Variants in KIAA2013 observed in about 807,000 individuals in gnomAD.
KIAA2013 encodes KIAA2013, also known as uncharacterized protein KIAA2013.
Under a neutral mutation model 39.9 loss-of-function variants are expected in KIAA2013, and 20 were observed. The ratio of observed to expected loss-of-function variants is 0.50; its 90% CI spans 0.35 to 0.73. KIAA2013 has a LOEUF of 0.73. KIAA2013 is among the 30% of genes least tolerant of loss of function. The probability of loss-of-function intolerance (pLI) is 0.01; values close to 1 mark genes in which losing one functional copy is unlikely to be tolerated. For synonymous variants in KIAA2013, 336 were observed against 416.6 expected (o/e 0.81, Z 2.35); for missense variants, 587 against 856.1 (o/e 0.69, Z 3.92).
chr1:11,922,553 C>G (rs755465526), intron 2 of KIAA2013, 83 bp downstream of exon 2: 23 of 1,567,288 alleles, frequency 1.5e-5, no homozygotes, highest in Non-Finnish European at 1.9e-5. Flanking sequence ...CCTCACCCCC[C>G]CTCGCCAGGC....
rs748213453 is a variant in KIAA2013 at position 11,922,624 on chromosome 1, G to T, written c.1887+12C>A. 15 of 1,612,350 alleles carry T rather than the reference G, an allele frequency of 9.3e-6. No homozygotes were observed. Among genetic ancestry groups the T allele is most frequent in the Admixed American group, 1.7e-5 (1 of 59,656 alleles). On this transcript the variant is annotated intron_variant, in intron 2 of 2. Transcript: ENST00000376572. ...CAAGGCCTCGGGTTTCGACCAGATG[G>T]CGGCTTCCTACCTTACTCCTGAAGA...
rs1645488631 is a variant in KIAA2013, at chr1:11,923,621, C to T, written c.1034-132G>A. 3 of 956,766 alleles carry T rather than the reference C, an allele frequency of 3.1e-6. No homozygotes were observed. The highest frequency in any genetic ancestry group is 4.7e-6 in the Non-Finnish European group (3 of 634,506). The allele number at this position is 956,766 out of a possible 1,614,324, so 59.3% of individuals were successfully genotyped here. Reference sequence around the variant, plus strand: ...GATAAAGACAGTGGTGCCCATCTCCCTAAAGTATAGAAGAAAGTCAGCCTG... The same window carrying T: ...GATAAAGACAGTGGTGCCCATCTCCTTAAAGTATAGAAGAAAGTCAGCCTG... On this transcript the variant is annotated intron_variant, in intron 1 of 2. Coordinates refer to ENST00000376572, the MANE Select transcript of KIAA2013 (RefSeq NM_138346.3). This position sits in a 1 kb window ranked among gnomAD's most constrained non-coding sequence, Gnocchi z 4.6.
In KIAA2013 at chr1:11,924,612, T is replaced by C. The variant is rs1645494407; in HGVS notation, c.1033+593A>G. On this transcript the variant is annotated intron_variant, in intron 1 of 2. Transcript: ENST00000376572. ...CAACCAAACACAAAGGTTCAGACAA[T>C]TGGAACCCTGGAAACCAAAACCCCT... is the stretch of plus-strand genomic sequence containing the variant. Among the ~76,000 whole-genome samples the C allele has an allele frequency of 3.9e-5, 6 of 152,116 alleles. No individual in the cohort carries two copies. The South Asian group carries it at 1.2e-3, about 32-fold the overall frequency.
In KIAA2013 at chr1:11,922,983, G is replaced by A. The variant is rs754796277; in HGVS notation, c.1540C>T (p.Arg514Cys). Reference protein sequence around the residue: ...KPYLHVSVESRGQPVKIYACK... With the variant: ...KPYLHVSVESCGQPVKIYACK... ...GCATAGATCTTGACAGGCTGGCCAC[G>A]GGACTCCACGGACACGTGTAGGTAG... The change falls in exon 2 of 3, where the codon CGT becomes TGT. Residue 514 changes from arginine to cysteine, a missense_variant. Physicochemically the swap from Arg to Cys is radical, Grantham distance 180 (BLOSUM62 -3). Transcript: ENST00000376572. 13 of 1,612,422 alleles carry A rather than the reference G, an allele frequency of 8.1e-6. No individual in the cohort carries two copies. The highest frequency in any genetic ancestry group is 2.2e-5 in the East Asian group (1 of 44,842).
chr1:11,921,788 G>C (rs1425435782), intron 2 of KIAA2013, among the ~76,000 whole-genome samples: 1 of 152,006 alleles, frequency 6.6e-6, no homozygotes, highest in Non-Finnish European at 1.5e-5. Context: ...GACCTCAGGT[G>C]ATCTGCCCGC....
At chr1:11,922,418 CAGA>C in intron 2 of KIAA2013, 1 of 1,448,938 alleles carries the variant, frequency 6.9e-7, no homozygotes, top group Non-Finnish European at 9.1e-7. Flanking sequence ...CCTGGAAAGC[CAGA>C]AGACCATCAA....
Position 11,926,296 on chromosome 1 carries a change from A to G in KIAA2013, c.-59T>C, listed in dbSNP as rs1174126024. The G allele has an allele frequency of 7.8e-6, 7 of 897,998 alleles. 1 individual carries two copies. The Admixed American group carries it at 2.9e-4, about 38-fold the overall frequency. 55.6% of individuals were successfully genotyped at this position (897,998 alleles called of 1,614,324 possible). A position where few individuals can be genotyped will look rare whatever the true frequency, so the allele number is the denominator to read the frequency against. ...GGCCGCCGGGCCCGCCGCCCAGCCC[A>G]CCGGCCCGGCCGCCCGCGCCTCACT... On this transcript the variant is annotated 5_prime_UTR_variant, in exon 1 of 3. Coordinates refer to ENST00000376572, the MANE Select transcript of KIAA2013 (RefSeq NM_138346.3).
At chr1:11,921,969 T>TC (rs1488832827) in intron 2 of KIAA2013, among the ~76,000 whole-genome samples, 2 of 152,096 alleles carry the variant, frequency 1.3e-5, no homozygotes, top group Admixed American at 1.3e-4. Flanking sequence ...CACCTCAGCC[T>TC]CCTAAGTAGC....
rs1358665592 is a variant in KIAA2013 at position 11,926,187 on chromosome 1, G to C, written c.51C>G (p.Ser17Arg). The change falls in exon 1 of 3, where the codon AGC becomes AGG. Residue 17 changes from serine to arginine, a missense_variant. Coordinates refer to ENST00000376572, the MANE Select transcript of KIAA2013 (RefSeq NM_138346.3). ...GCAGGCAGAGGAGGCGGCGGGCCCA[G>C]CTGCTCGACAGCAGTCCCGGCAGCC... ...LKGLPGLLSS[S>R]WARRLLCLLG... 6.5e-6 allele frequency: 9 copies of C among 1,379,314 alleles called. No homozygotes were observed. The highest frequency in any genetic ancestry group is 8.5e-6 in the Non-Finnish European group (9 of 1,057,770). 85.4% of individuals were successfully genotyped at this position (1,379,314 alleles called of 1,614,324 possible).
intron 1 of KIAA2013, among the ~76,000 whole-genome samples, chr1:11,924,056 A>T (rs1246517241): frequency 3.3e-5 from 5 of 152,072 alleles, no homozygotes; most frequent in African/African-American, 9.7e-5. Context: ...CCCTGGCAGA[A>T]GCATTCAATA....
intron 2 of KIAA2013, among the ~76,000 whole-genome samples, chr1:11,921,082 C>CAG (rs1553130167): frequency 0.11 from 17,090 of 151,840 alleles, 1,013 homozygotes; most frequent in African/African-American, 0.14. Context: ...GGGGAGGAGA[C>CAG]GGGATACAGG....
At position 11,926,219 on chromosome 1, in the gene KIAA2013, G is replaced by C; in HGVS notation, c.19C>G (p.Leu7Val). 1 of 1,291,538 alleles carries C rather than the reference G, an allele frequency of 7.7e-7. No individual in the cohort carries two copies. The highest frequency in any genetic ancestry group is 1.7e-5 in the South Asian group (1 of 60,256). 80.0% of individuals were successfully genotyped at this position (1,291,538 alleles called of 1,614,324 possible). The change falls in exon 1 of 3, where the codon CTC (leucine) becomes GTC (valine). Residue 7 changes from leucine (L) to valine (V), a missense_variant. Physicochemically the swap from Leu to Val is conservative, Grantham distance 32. Coordinates refer to ENST00000376572, the MANE Select transcript of KIAA2013 (RefSeq NM_138346.3). Reference sequence around the variant, plus strand: ...GACAGCAGTCCCGGCAGCCCCTTGAGCCGCTGCTGCAGCCACATCGGGCCG... The same window carrying C: ...GACAGCAGTCCCGGCAGCCCCTTGACCCGCTGCTGCAGCCACATCGGGCCG... MWLQQR[L>V]KGLPGLLSSS...
rs1332743748 is a variant in KIAA2013 at position 11,923,560 on chromosome 1, C to A, written c.1034-71G>T. The A allele has an allele frequency of 6.7e-7, 1 of 1,495,820 alleles. No individual in the cohort carries two copies. Among genetic ancestry groups the A allele is most frequent in the South Asian group, 1.2e-5 (1 of 84,080 alleles). The allele number at this position is 1,495,820 out of a possible 1,614,324, so 92.7% of individuals were successfully genotyped here. A position where few individuals can be genotyped will look rare whatever the true frequency, so the allele number is the denominator to read the frequency against. ...GAGGCAGAGCATACGAAATAAAGACCAAGGGCAGCAGAAGAGTGAGGTGTT... is the reference window on the plus strand; with the variant it reads ...GAGGCAGAGCATACGAAATAAAGACAAAGGGCAGCAGAAGAGTGAGGTGTT... On this transcript the variant is annotated intron_variant, in intron 1 of 2. Transcript: ENST00000376572. The surrounding 1 kb of genome is among the most constrained non-coding windows in gnomAD (Gnocchi z 4.6).
chr1:11,926,249 G>A lies in KIAA2013; in HGVS notation c.-12C>T, dbSNP rs1185807629. On this transcript the variant is annotated 5_prime_UTR_variant, in exon 1 of 3. Transcript: ENST00000376572. ...TGCTGCAGCCACATCGGGCCGCCAG[G>A]CGCGGGCAAGGGTGCGAGGGCGGCC... 2 of 1,158,740 alleles carry A rather than the reference G, an allele frequency of 1.7e-6. No homozygotes were observed. Among genetic ancestry groups the A allele is most frequent in the South Asian group, 6.0e-5 (2 of 33,506 alleles). The allele number at this position is 1,158,740 out of a possible 1,614,324, so 71.8% of individuals were successfully genotyped here. A position where few individuals can be genotyped will look rare whatever the true frequency, so the allele number is the denominator to read the frequency against.
At chr1:11,921,409 A>G (rs1187760018) in intron 2 of KIAA2013, among the ~76,000 whole-genome samples, 2 of 152,102 alleles carry the variant, frequency 1.3e-5, no homozygotes, top group Non-Finnish European at 2.9e-5. Context: ...CGAGGCCTGG[A>G]GCAAGGGGCT....
In KIAA2013 at chr1:11,925,958, C is replaced by T. The variant is rs763879235; in HGVS notation, c.280G>A (p.Ala94Thr). 1.9e-6 allele frequency: 3 copies of T among 1,541,086 alleles called. No homozygotes were observed. The highest frequency in any genetic ancestry group is 2.6e-6 in the Non-Finnish European group (3 of 1,151,332). Residue 94 changes from alanine to threonine, a missense_variant, in exon 1 of 3, where the codon GCC (alanine) becomes ACC (threonine). Coordinates refer to ENST00000376572, the MANE Select transcript of KIAA2013 (RefSeq NM_138346.3). The surrounding 1 kb of genome is among the most constrained non-coding windows in gnomAD (Gnocchi z 5.2). ...ACGTCCAGGGCCAGGAAGCCGTTGG[C>T]CACCAGGGCCGGCACTCCAGGACCC... Reference protein sequence around the residue: ...PLGPGVPALVANGFLALDVAA... With the variant: ...PLGPGVPALVTNGFLALDVAA...
rs1645488317 is a variant in KIAA2013 at position 11,923,545 on chromosome 1, A to G, written c.1034-56T>C. 1.9e-6 allele frequency: 3 copies of G among 1,572,982 alleles called. No homozygotes were observed. Among genetic ancestry groups the G allele is most frequent in the Non-Finnish European group, 1.7e-6 (2 of 1,161,788 alleles). On this transcript the variant is annotated intron_variant, in intron 1 of 2. Transcript: ENST00000376572. The surrounding 1 kb of genome is among the most constrained non-coding windows in gnomAD (Gnocchi z 4.6). ...GGGAAGGACAGCTGGGAGGCAGAGC[A>G]TACGAAATAAAGACCAAGGGCAGCA...
In KIAA2013 at chr1:11,919,649, C is replaced by T. The variant is rs1388181948; in HGVS notation, c.*666G>A. ...ACAAAAAAGCTTTGGTATTTCAAAA[C>T]CTGACAATCATCAATCACTAGAAAG... On this transcript the variant is annotated 3_prime_UTR_variant, in exon 3 of 3. Coordinates refer to ENST00000376572, the MANE Select transcript of KIAA2013 (RefSeq NM_138346.3). 6.6e-6 allele frequency: 1 copy of T among 152,218 alleles called. No individual in the cohort carries two copies. The highest frequency in any genetic ancestry group is 2.4e-5 in the African/African-American group (1 of 41,418). The allele number at this position is 152,218 out of a possible 1,614,324, so 9.4% of individuals were successfully genotyped here.
Position 11,922,740 on chromosome 1 carries a change from A to T in KIAA2013, c.1783T>A (p.Trp595Arg). ...QQDPGLPFLF[W>R]FSVASLITLF... ...GTGATTAGGGAGGCCACGCTGAACC[A>T]GAAGAGGAAGGGCAGCCCGGGGTCC... The change falls in exon 2 of 3, where the codon TGG becomes AGG. Residue 595 changes from tryptophan (W) to arginine (R), a missense_variant. Trp to Arg is a moderately radical substitution (Grantham distance 101). Coordinates refer to ENST00000376572, the MANE Select transcript of KIAA2013 (RefSeq NM_138346.3). 1 of 1,614,074 alleles carries T rather than the reference A, an allele frequency of 6.2e-7. No individual in the cohort carries two copies. Among genetic ancestry groups the T allele is most frequent in the South Asian group, 1.1e-5 (1 of 91,054 alleles).
Sources: allele counts gnomAD v4.1 joint callset (sites outside exome capture counted in the v4.1 genomes callset), GRCh38; gene constraint gnomAD v4.1.1; non-coding constraint Gnocchi (gnomAD v3.1); transcripts MANE v1.5; gene names NCBI Gene and HGNC (gene_info 2026-07-23, HGNC 2026-07-21).